SYTL3: variants seen among roughly 807,000 people sequenced by gnomAD.
SYTL3 encodes synaptotagmin-like protein 3.
In SYTL3, 88 loss-of-function variants were observed where a neutral mutation model predicts 82.1. The ratio of observed to expected loss-of-function variants is 1.07; its 90% CI spans 0.90 to 1.28. The LOEUF (loss-of-function observed/expected upper bound fraction) is 1.28, where lower values mean the gene tolerates loss of function less well. Among genes scored for constraint, SYTL3 ranks in the 50% most tolerant of loss-of-function variants. The pLI is 0.00. For synonymous variants in SYTL3, 311 were observed against 289.4 expected (o/e 1.07, Z -0.76); for missense variants, 831 against 757.6 (o/e 1.10, Z -1.14).
At chr6:158,707,800 C>T (rs1212677913) in intron 7 of SYTL3, among the ~76,000 whole-genome samples, 1 of 152,220 alleles carries the variant, frequency 6.6e-6, no homozygotes, top group Non-Finnish European at 1.5e-5. Context: ...TAAAGTGTTT[C>T]TGAAAGCTCC....
chr6:158,716,856 G>C (rs1583347505), intron 9 of SYTL3, among the ~76,000 whole-genome samples: 1 of 152,330 alleles, frequency 6.6e-6, no homozygotes, highest in East Asian at 1.9e-4. Context: ...GCTGCAAGAT[G>C]CACTACCAAA....
chr6:158,718,272 C>A, intron 10 of SYTL3, 61 bp downstream of exon 10: 2 of 1,343,968 alleles, frequency 1.5e-6, no homozygotes, highest in Non-Finnish European at 9.6e-7. Flanking sequence ...CCAGAACTTT[C>A]TAGCCTGCCT....
chr6:158,722,737 A>AG (rs1462750668), intron 10 of SYTL3, among the ~76,000 whole-genome samples: 1 of 140,564 alleles, frequency 7.1e-6, no homozygotes, highest in Admixed American at 7.1e-5. Context: ...ACAGAGGTGG[A>AG]GGAAAAAGAT....
chr6:158,717,184 G>A (rs564342094), intron 9 of SYTL3, among the ~76,000 whole-genome samples: 5 of 152,234 alleles, frequency 3.3e-5, no homozygotes, highest in Admixed American at 3.3e-4. Context: ...TGAGGCATGA[G>A]AATCACTTGA....
intron 14 of SYTL3, among the ~76,000 whole-genome samples, chr6:158,759,225 A>G (rs1159345628): frequency 6.6e-6 from 1 of 152,150 alleles, no homozygotes; most frequent in Non-Finnish European, 1.5e-5. Context: ...CAGGTGGCAC[A>G]GAGCTGCAGG....
chr6:158,693,818 C>T (rs919940312), intron 6 of SYTL3, among the ~76,000 whole-genome samples: 20 of 143,274 alleles, frequency 1.4e-4, no homozygotes, highest in African/African-American at 4.6e-4. Context: ...GCTGGGATTA[C>T]AGGTGTGCCA....
At chr6:158,703,375 G>A (rs118092917) in intron 6 of SYTL3, among the ~76,000 whole-genome samples, 15 of 152,190 alleles carry the variant, frequency 9.9e-5, no homozygotes, top group Non-Finnish European at 1.9e-4. Context: ...CAGCCAGACC[G>A]GGCAGGGTGG....
intron 5 of SYTL3, among the ~76,000 whole-genome samples, chr6:158,679,936 A>G (rs1778469121): frequency 6.6e-6 from 1 of 152,136 alleles, no homozygotes; most frequent in East Asian, 1.9e-4. Flanking sequence ...AGTCGACTGT[A>G]GCGTCTCAGA....
At chr6:158,761,236 G>A (rs138099655) in intron 15 of SYTL3, among the ~76,000 whole-genome samples, 19 of 152,086 alleles carry the variant, frequency 1.2e-4, no homozygotes, top group Non-Finnish European at 2.4e-4. Context: ...AACGTGGGGC[G>A]TGTGGAAAGC....
intron 2 of SYTL3, among the ~76,000 whole-genome samples, 154 bp from the exon 3 acceptor site, chr6:158,661,115 C>T (rs753997556): frequency 2.0e-5 from 3 of 152,002 alleles, no homozygotes; most frequent in Middle Eastern, 3.2e-3. Flanking sequence ...CCCAGTAGTA[C>T]GATTAGTAGA....
At chr6:158,703,153 TAAAAA>T (rs71297001) in intron 6 of SYTL3, among the ~76,000 whole-genome samples, 1 of 94,888 alleles carries the variant, frequency 1.1e-5, no homozygotes, top group Non-Finnish European at 2.1e-5. Context: ...GACTCTGTCT[TAAAAA>T]AAAAAAAAAA....
At chr6:158,756,135 G>A (rs139607379) in intron 13 of SYTL3, among the ~76,000 whole-genome samples, 2 of 152,370 alleles carry the variant, frequency 1.3e-5, no homozygotes, top group East Asian at 1.9e-4. Context: ...AGAGGCTGAG[G>A]TGGAGTCAGC....
chr6:158,693,972 C>T (rs1053370678), intron 6 of SYTL3, among the ~76,000 whole-genome samples: 8 of 150,418 alleles, frequency 5.3e-5, no homozygotes, highest in Middle Eastern at 3.5e-3. Context: ...AGACTGTAGG[C>T]GTAAGCCACT....
intron 10 of SYTL3, among the ~76,000 whole-genome samples, chr6:158,720,124 G>C (rs143994140): frequency 2.2e-4 from 33 of 151,740 alleles, no homozygotes; most frequent in Non-Finnish European, 3.8e-4. Flanking sequence ...AAAATTGGCC[G>C]GGCACCATGG....
In SYTL3 at chr6:158,663,260, G is replaced by A. The variant is rs374316566; in HGVS notation, c.-9G>A. Reference sequence around the variant, plus strand: ...TCTTCCAACCTGGGTCAACGAAAACGGAGAAGAAATGGCCCAAGAAATAGA... The same window carrying A: ...TCTTCCAACCTGGGTCAACGAAAACAGAGAAGAAATGGCCCAAGAAATAGA... On this transcript the variant is annotated 5_prime_UTR_variant, in exon 4 of 18. Coordinates refer to ENST00000611299, the MANE Select transcript of SYTL3 (RefSeq NM_001242394.2). 7 of 1,613,798 alleles carry A rather than the reference G, an allele frequency of 4.3e-6. No individual in the cohort carries two copies. Among genetic ancestry groups the A allele is most frequent in the East Asian group, 4.5e-5 (2 of 44,868 alleles).
intron 11 of SYTL3, among the ~76,000 whole-genome samples, chr6:158,734,690 C>T (rs552341659): frequency 7.9e-5 from 12 of 152,242 alleles, no homozygotes; most frequent in East Asian, 5.8e-4. Context: ...CTCACCACCC[C>T]GACATGCTAT....
At chr6:158,738,095 G>T (rs1278218497) in intron 11 of SYTL3, among the ~76,000 whole-genome samples, 2 of 152,152 alleles carry the variant, frequency 1.3e-5, no homozygotes, top group East Asian at 3.9e-4. Flanking sequence ...ACCAACAGCT[G>T]CACACCCAAG....
At chr6:158,694,519 TC>T (rs1216867702) in intron 6 of SYTL3, among the ~76,000 whole-genome samples, 1 of 151,900 alleles carries the variant, frequency 6.6e-6, no homozygotes, top group East Asian at 1.9e-4. Flanking sequence ...GGTCCTGAAC[TC>T]CTGGGCTCAA....
intron 5 of SYTL3, among the ~76,000 whole-genome samples, chr6:158,681,933 A>G (rs1023542757): frequency 2.6e-5 from 4 of 152,148 alleles, no homozygotes; most frequent in African/African-American, 4.8e-5. Context: ...GACATGATAC[A>G]TTGGTCATTT....
Sources: allele counts gnomAD v4.1 joint callset (sites outside exome capture counted in the v4.1 genomes callset), GRCh38; gene constraint gnomAD v4.1.1; transcripts MANE v1.5; gene names NCBI Gene and HGNC (gene_info 2026-07-23, HGNC 2026-07-21).